Variants in DMXL2 observed in about 807,000 individuals in gnomAD.
DMXL2 encodes the protein Dmx like 2, also known as dmX-like protein 2.
In DMXL2, 103 loss-of-function variants were observed where a neutral mutation model predicts 331.1. The observed-to-expected ratio is 0.31, with a 90% confidence interval of 0.27 to 0.37. DMXL2 has a LOEUF of 0.37. Ranked by LOEUF, DMXL2 falls within the 10% of genes least tolerant of loss-of-function variation. The probability of loss-of-function intolerance (pLI) is 1.00; values close to 1 mark genes in which losing one functional copy is unlikely to be tolerated. For synonymous variants in DMXL2, 1,281 were observed against 1,252.1 expected, an observed-to-expected ratio of 1.02 and a Z score of -0.49; for missense variants, 3,171 against 3,642.9, an observed-to-expected ratio of 0.87 and a Z score of 3.33.
At chr15:51,519,792 G>T (rs1009656011) in intron 13 of DMXL2, among the ~76,000 whole-genome samples, 1 of 151,382 alleles carries the variant, frequency 6.6e-6, no homozygotes, top group Non-Finnish European at 1.5e-5. Flanking sequence ...ACAGGTGCAC[G>T]CCACCACACC....
chr15:51,525,790 C>T (rs2047638382), intron 13 of DMXL2, among the ~76,000 whole-genome samples: 1 of 151,894 alleles, frequency 6.6e-6, no homozygotes, highest in South Asian at 2.1e-4. Flanking sequence ...CAATAGAACA[C>T]CAGGTAGATT....
At chr15:51,609,395 C>T (rs886528183) in intron 1 of DMXL2, among the ~76,000 whole-genome samples, 7 of 152,144 alleles carry the variant, frequency 4.6e-5, no homozygotes, top group South Asian at 2.1e-4. Context: ...TCATGTGCCA[C>T]GTAACATTCT....
chr15:51,506,200 G>C (rs572925518), intron 16 of DMXL2, among the ~76,000 whole-genome samples: 1 of 151,996 alleles, frequency 6.6e-6, no homozygotes. Context: ...AGCCTCCCAA[G>C]TATAGGTACA....
At chr15:51,479,843 G>A in intron 25 of DMXL2, 105 bp downstream of exon 25, 1 of 796,088 alleles carries the variant, frequency 1.3e-6, no homozygotes. Context: ...GAGTGAGAAA[G>A]GTAGCACTTT....
At chr15:51,569,055 G>A (rs933881627) in intron 2 of DMXL2, among the ~76,000 whole-genome samples, 2 of 152,168 alleles carry the variant, frequency 1.3e-5, no homozygotes, top group Admixed American at 6.5e-5. Context: ...AGACGGTACC[G>A]GGAAGAACAG....
At chr15:51,531,667 C>T (rs926602353) in intron 13 of DMXL2, among the ~76,000 whole-genome samples, 1 of 152,068 alleles carries the variant, frequency 6.6e-6, no homozygotes, top group African/African-American at 2.4e-5. Flanking sequence ...GCTCAAACAA[C>T]TCTACAGGAA....
chr15:51,457,760 G>A, intron 36 of DMXL2: 1 of 273,428 alleles, frequency 3.7e-6, no homozygotes, highest in Non-Finnish European at 6.9e-6. Context: ...TTCAAGTACA[G>A]ATAGCTCAGT....
chr15:51,463,322 G>C (rs2140260960), intron 33 of DMXL2, 57 bp downstream of exon 33: 3 of 1,121,828 alleles, frequency 2.7e-6, no homozygotes, highest in Middle Eastern at 5.8e-4. Flanking sequence ...GATTTCCTTA[G>C]AAATGTTAAA....
chr15:51,482,283 C>T (rs1290426016), intron 23 of DMXL2, among the ~76,000 whole-genome samples: 1 of 151,980 alleles, frequency 6.6e-6, no homozygotes, highest in Non-Finnish European at 1.5e-5. Context: ...TGCAAAAAAG[C>T]TTAAATTATG....
chr15:51,492,064 A>C (rs900500727), intron 19 of DMXL2, among the ~76,000 whole-genome samples: 8 of 152,230 alleles, frequency 5.3e-5, no homozygotes, highest in Admixed American at 4.6e-4. Context: ...TGTACGGTAC[A>C]CCAAATTTAT....
intron 41 of DMXL2, 130 bp from the exon 42 acceptor site, chr15:51,451,827 G>C (rs1424028164): frequency 5.7e-6 from 4 of 700,818 alleles, no homozygotes; most frequent in East Asian, 5.6e-5. Context: ...CACACCTATA[G>C]AGAGTAGTGA....
chr15:51,463,465 G>A lies in DMXL2; in HGVS notation c.7840C>T (p.Arg2614Ter). ...SRDSSAFPVK[R>*]LWHFLVKQEV... Reference sequence around the variant, plus strand: ...TGTTTAACAAGGAAATGCCAAAGTCGTTTGACTGGAAATGCAGAAGAATCC... The same window carrying A: ...TGTTTAACAAGGAAATGCCAAAGTCATTTGACTGGAAATGCAGAAGAATCC... The change falls in exon 33 of 44, where the codon CGA becomes TGA. Residue 2614 changes from arginine (R) to a stop codon, truncating the protein, a stop_gained. Coordinates refer to ENST00000560891, the MANE Select transcript of DMXL2 (RefSeq NM_001378457.1). LOFTEE classifies it high-confidence loss of function. The A allele has an allele frequency of 6.3e-7, 1 of 1,597,090 alleles. No homozygotes were observed. Among genetic ancestry groups the A allele is most frequent in the Non-Finnish European group, 8.5e-7 (1 of 1,174,388 alleles).
chr15:51,540,166 A>AAAC (rs1293068809), intron 9 of DMXL2, among the ~76,000 whole-genome samples: 1 of 152,232 alleles, frequency 6.6e-6, no homozygotes, highest in Non-Finnish European at 1.5e-5. Flanking sequence ...TTTTGAAAGA[A>AAAC]AACTGAGAGA....
intron 15 of DMXL2, among the ~76,000 whole-genome samples, chr15:51,513,994 G>A (rs909479356): frequency 1.3e-5 from 2 of 152,072 alleles, no homozygotes; most frequent in Admixed American, 6.5e-5. Context: ...CTGTGAGATG[G>A]TACCTTGCAT....
rs749417118 is a variant in DMXL2, at chr15:51,471,281, G to A, written c.7334C>T (p.Ser2445Phe). 1 of 1,614,050 alleles carries A rather than the reference G, an allele frequency of 6.2e-7. No individual in the cohort carries two copies. The change falls in exon 29 of 44, where the codon TCT becomes TTT. Residue 2445 changes from serine to phenylalanine, a missense_variant. This residue lies in a region of DMXL2 where 766 missense variants were observed against 940.5 expected (regional missense o/e 0.81). Coordinates refer to ENST00000560891, the MANE Select transcript of DMXL2 (RefSeq NM_001378457.1). ...GGGAGGAATAAATTTTTCTTTGTAA[G>A]ATGGTCTTTCTGCAGGCACCGGTGG... is the stretch of plus-strand genomic sequence containing the variant. ...TPPPVPAERP[S>F]YKEKFIPPEL...
chr15:51,466,645 GACAAACTA>G (rs2040602913), intron 29 of DMXL2: 1 of 151,748 alleles, frequency 6.6e-6, no homozygotes, highest in East Asian at 1.9e-4. Context: ...AATACAAAAG[GACAAACTA>G]TGAAAGCTGT....
At chr15:51,451,612 G>T (rs530021803) in intron 42 of DMXL2, 33 bp downstream of exon 42, 5 of 1,542,358 alleles carry the variant, frequency 3.2e-6, no homozygotes, top group Non-Finnish European at 4.5e-6. Context: ...TTCCTTCATG[G>T]TATATTTTTA....
intron 40 of DMXL2, among the ~76,000 whole-genome samples, chr15:51,453,910 C>G (rs1399305516): frequency 2.0e-5 from 3 of 152,154 alleles, no homozygotes; most frequent in Non-Finnish European, 2.9e-5. Context: ...AATAGGACAT[C>G]AAAGTACATG....
chr15:51,600,708 T>C (rs1192526205), intron 1 of DMXL2, among the ~76,000 whole-genome samples: 1 of 152,198 alleles, frequency 6.6e-6, no homozygotes, highest in East Asian at 1.9e-4. Context: ...GTGGCTGTCT[T>C]GGTCAAATAA....
Sources: allele counts gnomAD v4.1 joint callset (sites outside exome capture counted in the v4.1 genomes callset), GRCh38; gene constraint gnomAD v4.1.1; regional missense constraint gnomAD v4.1.1; transcripts MANE v1.5; gene names NCBI Gene and HGNC (gene_info 2026-07-23, HGNC 2026-07-21).